SLC7A2: variants seen among roughly 807,000 people sequenced by gnomAD.
The protein encoded by SLC7A2 is cationic amino acid transporter 2.
SLC7A2 carries 48 observed loss-of-function variants against 58.9 expected under a neutral mutation model. The ratio of observed to expected loss-of-function variants is 0.82; its 90% CI spans 0.65 to 1.04. The LOEUF (loss-of-function observed/expected upper bound fraction) is 1.04. SLC7A2 is among the 50% of genes least tolerant of loss of function. SLC7A2 has a pLI of 0.00. For synonymous variants in SLC7A2, 363 were observed against 314.5 expected, an observed-to-expected ratio of 1.15 and a Z score of -1.63; for missense variants, 1,029 against 818.8, an observed-to-expected ratio of 1.26 and a Z score of -3.13.
intron 2 of SLC7A2, among the ~76,000 whole-genome samples, chr8:17,523,877 A>G (rs904024280): frequency 4.6e-5 from 7 of 152,120 alleles, no homozygotes; most frequent in Non-Finnish European, 8.8e-5. Context: ...ACAAAGGACT[A>G]ATATCCAGAA....
At chr8:17,527,994 G>T (rs1178308453) in intron 2 of SLC7A2, among the ~76,000 whole-genome samples, 2 of 152,112 alleles carry the variant, frequency 1.3e-5, no homozygotes, top group Non-Finnish European at 2.9e-5. Context: ...TAGCTCAAGG[G>T]AGTGTCAGGG....
rs959133582 is a variant in SLC7A2, at chr8:17,520,516, C to G, written c.-23+18214C>G. 4.0e-5 allele frequency among the ~76,000 whole-genome samples: 6 copies of G among 151,658 alleles called. No homozygotes were observed. The East Asian group carries it at 5.9e-4, about 15-fold the overall frequency. ...ATTAGCCGAGTGTGGTGGCACACGT[C>G]TGTAATCCCAGCCACTTGGGAGATT... is the stretch of plus-strand genomic sequence containing the variant. On this transcript the variant is annotated intron_variant, in intron 2 of 12. Transcript: ENST00000494857.
intron 2 of SLC7A2, among the ~76,000 whole-genome samples, chr8:17,529,393 T>C (rs531037460): frequency 6.6e-6 from 1 of 152,228 alleles, no homozygotes; most frequent in South Asian, 2.1e-4. Context: ...AGTGATGGTA[T>C]ATATATAGCA....
chr8:17,526,455 A>G (rs971788041), intron 2 of SLC7A2, among the ~76,000 whole-genome samples: 1 of 152,086 alleles, frequency 6.6e-6, no homozygotes, highest in Non-Finnish European at 1.5e-5. Flanking sequence ...CATGATGGAA[A>G]AGGACCTGAA....
intron 8 of SLC7A2, among the ~76,000 whole-genome samples, chr8:17,557,015 G>A (rs765000029): frequency 1.4e-4 from 21 of 152,144 alleles, no homozygotes; most frequent in African/African-American, 1.2e-4. Flanking sequence ...ACGGGTAGTC[G>A]TGGCCTTGCT....
intron 1 of SLC7A2, among the ~76,000 whole-genome samples, chr8:17,500,837 CACACACAG>C (rs1800129587): frequency 8.8e-6 from 1 of 113,584 alleles, no homozygotes; most frequent in Non-Finnish European, 2.0e-5. Flanking sequence ...CACACACACA[CACACACAG>C]AATCCCAGCC....
chr8:17,549,434 C>A (rs1372542248), intron 5 of SLC7A2, among the ~76,000 whole-genome samples: 1 of 152,222 alleles, frequency 6.6e-6, no homozygotes, highest in African/African-American at 2.4e-5. Context: ...GCTGCTGGTT[C>A]CCAGCCTCAA....
intron 1 of SLC7A2, among the ~76,000 whole-genome samples, chr8:17,501,369 G>T (rs188208876): frequency 5.3e-5 from 8 of 152,256 alleles, no homozygotes; most frequent in African/African-American, 1.4e-4. Flanking sequence ...CTGCTGTTAC[G>T]CTGACCTCAC....
rs568214008 is a variant in SLC7A2 at position 17,543,705 on chromosome 8, G to T, written c.366G>T (p.Ser122=). The T allele has an allele frequency of 5.9e-6, 9 of 1,518,200 alleles. No individual in the cohort carries two copies. The highest frequency in any genetic ancestry group is 2.8e-5 in the African/African-American group (2 of 71,636). 94.0% of individuals were successfully genotyped at this position (1,518,200 alleles called of 1,614,324 possible). Residue 122 remains serine (S), a synonymous_variant, in exon 3 of 13, where the codon TCG becomes TCT. Coordinates refer to ENST00000494857, the MANE Select transcript of SLC7A2 (RefSeq NM_001370338.1). The part of the protein sequence containing the change: ...AFITGWNLIL[S]YVIGTSSVAR... Reference sequence around the variant, plus strand: ...TCACTGGCTGGAATCTCATTTTATCGTATGTGATAGGTATGTTTCAAAAAG... The same window carrying T: ...TCACTGGCTGGAATCTCATTTTATCTTATGTGATAGGTATGTTTCAAAAAG...
intron 2 of SLC7A2, among the ~76,000 whole-genome samples, chr8:17,512,447 T>C (rs1028404409): frequency 2.6e-5 from 4 of 152,254 alleles, no homozygotes; most frequent in Admixed American, 2.0e-4. Context: ...CTTGGGAGGC[T>C]GAGGCAGGAG....
At chr8:17,539,714 T>G (rs1486599529) in intron 2 of SLC7A2, among the ~76,000 whole-genome samples, 1 of 152,134 alleles carries the variant, frequency 6.6e-6, no homozygotes, top group Non-Finnish European at 1.5e-5. Flanking sequence ...TATGAGTCCT[T>G]GGTCACAGTA....
chr8:17,547,262 G>A (rs1405739000), intron 4 of SLC7A2, among the ~76,000 whole-genome samples: 1 of 152,040 alleles, frequency 6.6e-6, no homozygotes, highest in African/African-American at 2.4e-5. Context: ...GGGGTGTCAG[G>A]CAAGAGAGCA....
chr8:17,526,743 C>G (rs529999312), intron 2 of SLC7A2, among the ~76,000 whole-genome samples: 39 of 152,194 alleles, frequency 2.6e-4, no homozygotes, highest in Non-Finnish European at 4.9e-4. Context: ...CGTGTGGTAT[C>G]TAGTTGGAAG....
At chr8:17,499,783 A>C (rs1326807865) in intron 1 of SLC7A2, among the ~76,000 whole-genome samples, 1 of 152,126 alleles carries the variant, frequency 6.6e-6, no homozygotes, top group African/African-American at 2.4e-5. Flanking sequence ...GCTGTTAATT[A>C]ATTTCTAAAA....
At chr8:17,551,066 G>A (rs541644528) in intron 6 of SLC7A2, among the ~76,000 whole-genome samples, 3 of 152,164 alleles carry the variant, frequency 2.0e-5, no homozygotes, top group Non-Finnish European at 4.4e-5. Context: ...AGGGCCTACC[G>A]AATGGCACAG....
intron 4 of SLC7A2, among the ~76,000 whole-genome samples, chr8:17,547,035 A>C (rs1271192144): frequency 6.6e-6 from 1 of 152,166 alleles, no homozygotes; most frequent in Non-Finnish European, 1.5e-5. Context: ...ACATGTACAT[A>C]ATCTGTTGTA....
chr8:17,543,338 G>A lies in SLC7A2; in HGVS notation c.-2G>A, dbSNP rs1446954946. The A allele has an allele frequency of 6.2e-7, 1 of 1,610,320 alleles. No homozygotes were observed. The highest frequency in any genetic ancestry group is 8.5e-7 in the Non-Finnish European group (1 of 1,178,250). ...CTCAGGTCGCCTTCGTCAGACGTCAGAATGATTCCTTGCAGAGCCGCGCTG... is the reference window on the plus strand; with the variant it reads ...CTCAGGTCGCCTTCGTCAGACGTCAAAATGATTCCTTGCAGAGCCGCGCTG... On this transcript the variant is annotated 5_prime_UTR_variant, in exon 3 of 13. Transcript: ENST00000494857.
intron 10 of SLC7A2, 41 bp downstream of exon 10, chr8:17,560,574 A>G (rs772082427): frequency 2.6e-6 from 4 of 1,516,338 alleles, no homozygotes; most frequent in Non-Finnish European, 3.7e-6. Flanking sequence ...GACCCAGAAG[A>G]TGTGTGTGAG....
At position 17,560,472 on chromosome 8, in the gene SLC7A2, C is replaced by G. The variant is rs755814062; in HGVS notation, c.1443C>G (p.Cys481Trp). Residue 481 changes from cysteine (C) to tryptophan (W), a missense_variant, in exon 10 of 13, where the codon TGC (cysteine) becomes TGG (tryptophan). Physicochemically the swap from Cys to Trp is radical, Grantham distance 215. Coordinates refer to ENST00000494857, the MANE Select transcript of SLC7A2 (RefSeq NM_001370338.1). ...GCTTCAGCATGCGGACCCTCTTCTG[C>G]CCCTCCCTTCTGCCAACACAGCAGT... ...RQGFSMRTLFCPSLLPTQQSA... is the reference protein window; with the variant it reads ...RQGFSMRTLFWPSLLPTQQSA... The G allele has an allele frequency of 1.9e-6, 3 of 1,613,866 alleles. No homozygotes were observed. In the Admixed American group the frequency reaches 5.0e-5, roughly 27 times the overall value.
Sources: gnomAD v4.1 joint callset for allele counts (sites outside exome capture counted in the v4.1 genomes callset) on GRCh38, gnomAD v4.1.1 for gene constraint, MANE v1.5 for transcripts, NCBI Gene and HGNC (gene_info 2026-07-23, HGNC 2026-07-21) for gene names.